Variants in LRMDA observed in about 807,000 individuals in gnomAD.
The protein encoded by LRMDA is leucine-rich melanocyte differentiation-associated protein.
LRMDA carries 18 observed loss-of-function variants against 29.8 expected under a neutral mutation model. The ratio of observed to expected loss-of-function variants is 0.60; its 90% CI spans 0.42 to 0.90. The LOEUF is 0.90. Among genes scored for constraint, LRMDA ranks in the 40% least tolerant of loss-of-function variants. The pLI, the probability that LRMDA is intolerant of heterozygous loss-of-function variation, is 0.00. For missense variants in LRMDA, 273 were observed against 273.9 expected, an observed-to-expected ratio of 1.00 and a Z score of 0.02; for synonymous variants, 125 against 109.4, an observed-to-expected ratio of 1.14 and a Z score of -0.89.
intron 2 of LRMDA, among the ~76,000 whole-genome samples, chr10:75,993,141 C>G (rs915825314): frequency 1.3e-5 from 2 of 152,046 alleles, no homozygotes; most frequent in African/African-American, 2.4e-5. Context: ...CTGGTCTCCT[C>G]CTGGGCTGGG....
chr10:75,537,559 T>A (rs1473750706), intron 2 of LRMDA, among the ~76,000 whole-genome samples: 1 of 152,220 alleles, frequency 6.6e-6, no homozygotes, highest in Non-Finnish European at 1.5e-5. Flanking sequence ...AAAGCCTGTA[T>A]TGACTACCAA....
chr10:76,403,443 C>T (rs1037726135), intron 6 of LRMDA: 1 of 152,010 alleles, frequency 6.6e-6, no homozygotes, highest in Non-Finnish European at 1.5e-5. Context: ...CATGCCCATT[C>T]TGTGGACTCC....
intron 2 of LRMDA, among the ~76,000 whole-genome samples, chr10:75,442,907 C>T (rs1476981457): frequency 1.3e-5 from 2 of 151,950 alleles, no homozygotes; most frequent in African/African-American, 4.8e-5. Context: ...TTTCATTGTA[C>T]AGCTCTTTTA....
chr10:75,858,073 G>A (rs547297806), intron 2 of LRMDA, among the ~76,000 whole-genome samples: 1 of 152,330 alleles, frequency 6.6e-6, no homozygotes, highest in South Asian at 2.1e-4. Flanking sequence ...CAGGTGGCCA[G>A]GCCTGGTTGT....
intron 2 of LRMDA, among the ~76,000 whole-genome samples, chr10:75,988,865 T>C (rs1589278568): frequency 6.6e-6 from 1 of 152,292 alleles, no homozygotes; most frequent in South Asian, 2.1e-4. Flanking sequence ...CTATTGGATG[T>C]CTTTTTCCTT....
intron 6 of LRMDA, among the ~76,000 whole-genome samples, chr10:76,541,583 T>C (rs1354755680): frequency 7.6e-6 from 1 of 130,838 alleles, no homozygotes; most frequent in Non-Finnish European, 1.8e-5. Context: ...AGTATTGTGT[T>C]TTTGTTTCCA....
chr10:75,996,464 G>A (rs185841886), intron 2 of LRMDA, among the ~76,000 whole-genome samples: 13 of 152,292 alleles, frequency 8.5e-5, no homozygotes, highest in Non-Finnish European at 1.9e-4. Flanking sequence ...ACTTCTAACT[G>A]GAGAGTTTGA....
intron 5 of LRMDA, among the ~76,000 whole-genome samples, chr10:76,304,581 G>A (rs1185244409): frequency 6.6e-6 from 1 of 152,186 alleles, no homozygotes; most frequent in Non-Finnish European, 1.5e-5. Context: ...AGAGGACAGT[G>A]CAGAGGCTGA....
intron 2 of LRMDA, among the ~76,000 whole-genome samples, chr10:75,514,922 G>C (rs566711721): frequency 5.9e-5 from 9 of 152,206 alleles, no homozygotes; most frequent in African/African-American, 1.7e-4. Context: ...CGGTGAAGGT[G>C]ACTGGGCCTT....
intron 2 of LRMDA, among the ~76,000 whole-genome samples, chr10:75,879,448 C>T (rs917976275): frequency 6.6e-6 from 1 of 152,218 alleles, no homozygotes; most frequent in African/African-American, 2.4e-5. Context: ...TGGCATTAGC[C>T]ATGGTCATTT....
chr10:75,613,011 T>A (rs1841052009), intron 2 of LRMDA, among the ~76,000 whole-genome samples: 1 of 152,212 alleles, frequency 6.6e-6, no homozygotes, highest in African/African-American at 2.4e-5. Context: ...GTGGTTGAAC[T>A]TCTTCTTTAT....
intron 4 of LRMDA, among the ~76,000 whole-genome samples, chr10:76,053,368 G>T (rs1848561363): frequency 6.6e-6 from 1 of 152,178 alleles, no homozygotes; most frequent in South Asian, 2.1e-4. Context: ...TTAGGATACG[G>T]CTGTGATAAC....
intron 5 of LRMDA, among the ~76,000 whole-genome samples, chr10:76,154,352 A>G (rs1850500259): frequency 6.6e-6 from 1 of 152,246 alleles, no homozygotes; most frequent in South Asian, 2.1e-4. Flanking sequence ...ATAAGGAGTG[A>G]GAAAATGAGA....
chr10:75,552,086 A>G (rs892973810), intron 2 of LRMDA, among the ~76,000 whole-genome samples: 3 of 152,056 alleles, frequency 2.0e-5, no homozygotes, highest in African/African-American at 7.2e-5. Flanking sequence ...AAAGAAATAA[A>G]AACAATCTGT....
At chr10:75,819,852 T>C (rs865960643) in intron 2 of LRMDA, among the ~76,000 whole-genome samples, 1 of 152,140 alleles carries the variant, frequency 6.6e-6, no homozygotes, top group South Asian at 2.1e-4. Context: ...TATTGAGCAC[T>C]TGAAAATATG....
At chr10:75,973,021 A>AGCAGCAGCAGCAGCAGCAGCAG (rs1847004970) in intron 2 of LRMDA, among the ~76,000 whole-genome samples, 1 of 148,856 alleles carries the variant, frequency 6.7e-6, no homozygotes, top group Non-Finnish European at 1.5e-5. Flanking sequence ...CACTTTAACA[A>AGCAGCAGCAGCAGCAGCAGCAG]CAGCAGCAGC....
chr10:75,659,651 G>C (rs1223267783), intron 2 of LRMDA, among the ~76,000 whole-genome samples: 1 of 152,140 alleles, frequency 6.6e-6, no homozygotes. Flanking sequence ...TGGGGGAAAT[G>C]GGCAACTGTT....
At chr10:76,080,774 A>C (rs1849036630) in intron 5 of LRMDA, among the ~76,000 whole-genome samples, 1 of 152,242 alleles carries the variant, frequency 6.6e-6, no homozygotes, top group Non-Finnish European at 1.5e-5. Context: ...TGATGTGTAG[A>C]TGAGTGTGCC....
chr10:75,558,738 G>C (rs1435305327), intron 2 of LRMDA, among the ~76,000 whole-genome samples: 1 of 148,742 alleles, frequency 6.7e-6, no homozygotes, highest in African/African-American at 2.5e-5. Context: ...GTGTCCATGT[G>C]TTCTCATTGT....
Sources: gnomAD v4.1 joint callset for allele counts (sites outside exome capture counted in the v4.1 genomes callset) on GRCh38, gnomAD v4.1.1 for gene constraint, MANE v1.5 for transcripts, NCBI Gene and HGNC (gene_info 2026-07-23, HGNC 2026-07-21) for gene names.